Variants in SCFD2 observed in about 807,000 individuals in gnomAD.
SCFD2 encodes sec1 family domain containing 2.
A neutral mutation model predicts 58.9 loss-of-function variants in SCFD2; 54 were observed. That is an observed-to-expected ratio of 0.92 (90% CI 0.74 to 1.15). SCFD2 has a LOEUF of 1.15. Ranked by LOEUF, SCFD2 falls within the 50% of genes most tolerant of loss-of-function variation. SCFD2 has a pLI of 0.00. For missense variants in SCFD2, 805 were observed against 836.6 expected (o/e 0.96, Z 0.47); for synonymous variants, 321 against 335.9 (o/e 0.96, Z 0.49).
In SCFD2 at chr4:53,185,248, C is replaced by A. The variant is rs1347363907; in HGVS notation, c.1312-39666G>T. Among the ~76,000 whole-genome samples, 8 of 152,110 alleles carry A rather than the reference C, an allele frequency of 5.3e-5. No homozygotes were observed. In the East Asian group the frequency reaches 1.5e-3, roughly 29 times the overall value. ...ATCACAAAACACCTTATCTCATGCC[C>A]TTAGGTTGTAGTAAACCATGGCAAT... On this transcript the variant is annotated intron_variant, in intron 4 of 8. Transcript: ENST00000401642.
intron 5 of SCFD2, among the ~76,000 whole-genome samples, chr4:52,975,133 C>T (rs1721216500): frequency 6.6e-6 from 1 of 151,122 alleles, no homozygotes; most frequent in Non-Finnish European, 1.5e-5. Context: ...GTCTAAAACA[C>T]CAAAAGCAAT....
intron 5 of SCFD2, among the ~76,000 whole-genome samples, chr4:53,076,831 T>C (rs1430381054): frequency 6.6e-6 from 1 of 152,152 alleles, no homozygotes; most frequent in African/African-American, 2.4e-5. Context: ...TCCCTCTTCT[T>C]TGAGAACAAA....
At chr4:53,327,577 G>T (rs985934517) in intron 2 of SCFD2, among the ~76,000 whole-genome samples, 1 of 152,164 alleles carries the variant, frequency 6.6e-6, no homozygotes, top group Admixed American at 6.5e-5. Context: ...GCATGGGGCA[G>T]GATGCGTTTA....
intron 3 of SCFD2, among the ~76,000 whole-genome samples, chr4:53,301,562 A>G (rs192701752): frequency 6.6e-6 from 1 of 152,316 alleles, no homozygotes; most frequent in African/African-American, 2.4e-5. Context: ...AACTATTCCA[A>G]TCAATAGAAA....
At chr4:52,968,488 A>G (rs929140853) in intron 5 of SCFD2, among the ~76,000 whole-genome samples, 12 of 152,120 alleles carry the variant, frequency 7.9e-5, no homozygotes, top group Non-Finnish European at 2.9e-5. Flanking sequence ...GATCGGGTGT[A>G]TGGGTGTGTG....
intron 5 of SCFD2, among the ~76,000 whole-genome samples, chr4:52,936,979 T>C (rs1720154313): frequency 6.6e-6 from 1 of 152,136 alleles, no homozygotes; most frequent in East Asian, 1.9e-4. Flanking sequence ...ATAGTGTCTG[T>C]GCTCATGGAG....
chr4:53,151,702 C>T (rs1726512416), intron 4 of SCFD2, among the ~76,000 whole-genome samples: 1 of 152,202 alleles, frequency 6.6e-6, no homozygotes, highest in Non-Finnish European at 1.5e-5. Flanking sequence ...ATCTCTGCAA[C>T]TCATCGTGTT....
intron 5 of SCFD2, among the ~76,000 whole-genome samples, chr4:53,087,052 T>C (rs2148863228): frequency 6.6e-6 from 1 of 152,280 alleles, no homozygotes; most frequent in Non-Finnish European, 1.5e-5. Context: ...ACACAAAGAA[T>C]AAATGCTTGA....
intron 4 of SCFD2, among the ~76,000 whole-genome samples, chr4:53,244,151 C>T (rs368213442): frequency 3.9e-4 from 59 of 151,996 alleles, no homozygotes; most frequent in African/African-American, 1.2e-3. Context: ...TGGGAGACTT[C>T]GACACTCCAC....
intron 6 of SCFD2, 141 bp from the exon 7 acceptor site, chr4:52,907,732 G>C (rs745841382): frequency 5.7e-6 from 4 of 700,650 alleles, no homozygotes; most frequent in South Asian, 1.8e-5. Context: ...GTGTGTGTGT[G>C]TGTGTGTGTG....
chr4:53,061,976 T>G (rs990596472), intron 5 of SCFD2, among the ~76,000 whole-genome samples: 2 of 152,086 alleles, frequency 1.3e-5, no homozygotes, highest in African/African-American at 2.4e-5. Flanking sequence ...CATCCAGATG[T>G]GATGGCAGCC....
intron 4 of SCFD2, among the ~76,000 whole-genome samples, chr4:53,208,613 T>C (rs1228158943): frequency 6.6e-6 from 1 of 152,192 alleles, no homozygotes; most frequent in Non-Finnish European, 1.5e-5. Flanking sequence ...TGTTCTATGC[T>C]GCACCATGGC....
At chr4:53,231,248 A>G (rs1299498464) in intron 4 of SCFD2, among the ~76,000 whole-genome samples, 1 of 152,190 alleles carries the variant, frequency 6.6e-6, no homozygotes, top group Non-Finnish European at 1.5e-5. Flanking sequence ...TGTGCTGACT[A>G]TAATCCTTAT....
intron 2 of SCFD2, among the ~76,000 whole-genome samples, chr4:53,327,015 AC>A (rs1352065350): frequency 0.012 from 1,841 of 149,798 alleles, 21 homozygotes; most frequent in Middle Eastern, 0.052. Context: ...AAAAAAAAAA[AC>A]AACAACAAAA....
chr4:53,010,790 G>A (rs1722076824), intron 5 of SCFD2, among the ~76,000 whole-genome samples: 1 of 152,042 alleles, frequency 6.6e-6, no homozygotes, highest in Admixed American at 6.5e-5. Flanking sequence ...TGGGGGGCGC[G>A]GTCCAGCCTC....
intron 7 of SCFD2, among the ~76,000 whole-genome samples, chr4:52,889,460 T>C (rs1157656174): frequency 2.0e-5 from 3 of 152,234 alleles, no homozygotes; most frequent in African/African-American, 7.2e-5. Context: ...ATTATCTGCA[T>C]AGAGTCTCAT....
At chr4:53,153,807 T>C (rs1726583801) in intron 4 of SCFD2, among the ~76,000 whole-genome samples, 1 of 152,220 alleles carries the variant, frequency 6.6e-6, no homozygotes. Flanking sequence ...CTATATCTGG[T>C]CATAGGTTGT....
chr4:53,140,873 C>T (rs1309057320), intron 5 of SCFD2, among the ~76,000 whole-genome samples: 1 of 152,070 alleles, frequency 6.6e-6, no homozygotes, highest in African/African-American at 2.4e-5. Context: ...TACTGTTTAT[C>T]AGTTGGGTGA....
intron 5 of SCFD2, among the ~76,000 whole-genome samples, chr4:53,098,189 T>C (rs555799664): frequency 6.6e-6 from 1 of 152,336 alleles, no homozygotes; most frequent in South Asian, 2.1e-4. Flanking sequence ...TTTTTTGTTG[T>C]GTCTCTGCCA....
Sources: allele counts gnomAD v4.1 joint callset (sites outside exome capture counted in the v4.1 genomes callset), GRCh38; gene constraint gnomAD v4.1.1; transcripts MANE v1.5; gene names NCBI Gene and HGNC (gene_info 2026-07-23, HGNC 2026-07-21).